RFX2: variants seen among roughly 807,000 people sequenced by gnomAD.
RFX2 encodes regulatory factor X2.
Under a neutral mutation model 87.8 loss-of-function variants are expected in RFX2, and 20 were observed. That is an observed-to-expected ratio of 0.23 (90% CI 0.16 to 0.33). RFX2 has a LOEUF of 0.33. Ranked by LOEUF, RFX2 falls within the 10% of genes least tolerant of loss-of-function variation. The probability of loss-of-function intolerance (pLI) is 1.00; values close to 1 mark genes in which losing one functional copy is unlikely to be tolerated. For missense variants in RFX2, 767 were observed against 1,012.3 expected (o/e 0.76, Z 3.29); for synonymous variants, 397 against 431.3 (o/e 0.92, Z 0.98).
intron 6 of RFX2, among the ~76,000 whole-genome samples, chr19:6,019,678 C>T (rs977165053): frequency 2.6e-5 from 4 of 151,582 alleles, no homozygotes; most frequent in Non-Finnish European, 4.4e-5. Flanking sequence ...CATGCAGCCT[C>T]CAACTCCCGG....
chr19:6,054,448 A>AT (rs2087305062), intron 1 of RFX2, among the ~76,000 whole-genome samples: 2 of 152,210 alleles, frequency 1.3e-5, no homozygotes, highest in African/African-American at 2.4e-5. Flanking sequence ...TGTTTAGACT[A>AT]ATATCTCTTA....
chr19:6,045,658 G>GTT lies in RFX2; in HGVS notation c.91-1378_91-1377dup, dbSNP rs72153340. On this transcript the variant is annotated intron_variant, in intron 2 of 17. Coordinates refer to ENST00000303657, the MANE Select transcript of RFX2 (RefSeq NM_000635.4). The surrounding 1 kb of genome is among the most constrained non-coding windows in gnomAD (Gnocchi z 5.2). ...TGCCTTTTTGTTTTTGCGGAATTGT[G>GTT]TTTTTTTGTTTTTGTTTTTTTGTGT... is the stretch of plus-strand genomic sequence containing the variant. Among the ~76,000 whole-genome samples the GTT allele has an allele frequency of 1.8e-4, 27 of 150,642 alleles. No homozygotes were observed. Among genetic ancestry groups the GTT allele is most frequent in the African/African-American group, 6.5e-4 (26 of 40,132 alleles).
At chr19:6,029,408 C>T (rs189888941) in intron 5 of RFX2, among the ~76,000 whole-genome samples, 54 of 151,964 alleles carry the variant, frequency 3.6e-4, no homozygotes, top group Admixed American at 9.8e-4. Flanking sequence ...GTACAAAGCA[C>T]TATAAAAAAC....
In RFX2 at chr19:6,017,563, G is replaced by A. The variant is rs189500727; in HGVS notation, c.598-1292C>T. Among the ~76,000 whole-genome samples the A allele has an allele frequency of 2.6e-5, 4 of 152,356 alleles. No homozygotes were observed. The East Asian group carries it at 7.7e-4, about 29-fold the overall frequency. On this transcript the variant is annotated intron_variant, in intron 6 of 17. Transcript: ENST00000303657. The surrounding 1 kb of genome is among the most constrained non-coding windows in gnomAD (Gnocchi z 4.1). Reference sequence around the variant, plus strand: ...CAGGAATTCCACGCACAGAAGCGAGGCCCGAGTCCAGATCCCATGTCAAGA... The same window carrying A: ...CAGGAATTCCACGCACAGAAGCGAGACCCGAGTCCAGATCCCATGTCAAGA...
chr19:6,041,006 T>C (rs2087098307), intron 4 of RFX2, among the ~76,000 whole-genome samples: 1 of 152,180 alleles, frequency 6.6e-6, no homozygotes, highest in Admixed American at 6.5e-5. Context: ...TACAGACTGG[T>C]AGAACTGAAT....
chr19:6,001,990 T>C lies in RFX2; in HGVS notation c.1684A>G (p.Ser562Gly). ...TCCTGCTCCAGCCGCTGCACCACAC[T>C]CTCCTCGCACTGGCACACCCACGAG... ...QASWVCQCEE[S>G]VVQRLEQDFK... The change falls in exon 15 of 18, where the codon AGT becomes GGT. Residue 562 changes from serine (S) to glycine (G), a missense_variant. By Grantham distance (56) the Ser-to-Gly change is moderately conservative. Transcript: ENST00000303657. This position sits in a 1 kb window ranked among gnomAD's most constrained non-coding sequence, Gnocchi z 5.6. 1 of 1,610,488 alleles carries C rather than the reference T, an allele frequency of 6.2e-7. No homozygotes were observed. The highest frequency in any genetic ancestry group is 8.5e-7 in the Non-Finnish European group (1 of 1,179,592).
chr19:6,084,849 G>T (rs1012476205), intron 1 of RFX2, among the ~76,000 whole-genome samples: 1 of 152,082 alleles, frequency 6.6e-6, no homozygotes, highest in Non-Finnish European at 1.5e-5. Flanking sequence ...GGCCAGGCTG[G>T]TCTCAAACTC....
Position 6,040,009 on chromosome 19 carries a change from C to A in RFX2, c.493G>T (p.Ala165Ser). Residue 165 changes from alanine (A) to serine (S), a missense_variant, in exon 5 of 18, where the codon GCC becomes TCC. Coordinates refer to ENST00000303657, the MANE Select transcript of RFX2 (RefSeq NM_000635.4). This position sits in a 1 kb window ranked among gnomAD's most constrained non-coding sequence, Gnocchi z 6.1. ...GCGGGCGATGAGCGGGAGGTGTGGGCCAGGGAGTGTCTGGTGCTGTCCATC... is the reference window on the plus strand; with the variant it reads ...GCGGGCGATGAGCGGGAGGTGTGGGACAGGGAGTGTCTGGTGCTGTCCATC... ...GGMDSTRHSL[A>S]HTSRSSPATL... The A allele has an allele frequency of 6.2e-7, 1 of 1,600,064 alleles. No homozygotes were observed. The highest frequency in any genetic ancestry group is 8.5e-7 in the Non-Finnish European group (1 of 1,172,688).
At chr19:6,062,281 G>A (rs1169105770) in intron 1 of RFX2, among the ~76,000 whole-genome samples, 1 of 152,174 alleles carries the variant, frequency 6.6e-6, no homozygotes, top group African/African-American at 2.4e-5. Context: ...TGGCCAGACC[G>A]AGCCCCAGAC....
At chr19:6,062,959 C>T (rs1306604623) in intron 1 of RFX2, among the ~76,000 whole-genome samples, 1 of 152,142 alleles carries the variant, frequency 6.6e-6, no homozygotes, top group Admixed American at 6.5e-5. Context: ...CTCGTCCTTT[C>T]CCTCCCCTTC....
intron 6 of RFX2, among the ~76,000 whole-genome samples, chr19:6,018,352 A>C (rs2086759343): frequency 6.6e-6 from 1 of 152,036 alleles, no homozygotes; most frequent in African/African-American, 2.4e-5. Flanking sequence ...AACCCCTTTT[A>C]TCTCATCTAA....
Position 6,011,065 on chromosome 19 carries a change from G to A in RFX2, c.900-814C>T, listed in dbSNP as rs1000470317. On this transcript the variant is annotated intron_variant, in intron 8 of 17. Transcript: ENST00000303657. The surrounding 1 kb of genome is among the most constrained non-coding windows in gnomAD (Gnocchi z 4.8). ...TGGGAGGCAGAGGTTGCAGTGAGCC[G>A]AGTTCACGCCATTGCACTCCAGCCT... Among the ~76,000 whole-genome samples the A allele has an allele frequency of 2.0e-5, 3 of 151,946 alleles. No individual in the cohort carries two copies. The highest frequency in any genetic ancestry group is 6.6e-5 in the Admixed American group (1 of 15,244).
At position 6,015,622 on chromosome 19, in the gene RFX2, G is replaced by A. The variant is rs145061762; in HGVS notation, c.779+468C>T. ...TCCCCTCTCAGTCTCCCAAATAGGTGAAATTACAGGTGTGCAAATACGTGT... is the reference window on the plus strand; with the variant it reads ...TCCCCTCTCAGTCTCCCAAATAGGTAAAATTACAGGTGTGCAAATACGTGT... On this transcript the variant is annotated intron_variant, in intron 7 of 17. Coordinates refer to ENST00000303657, the MANE Select transcript of RFX2 (RefSeq NM_000635.4). Among the ~76,000 whole-genome samples, 172 of 151,988 alleles carry A rather than the reference G, an allele frequency of 1.1e-3. 1 individual carries two copies. The highest frequency in any genetic ancestry group is 9.9e-4 in the Non-Finnish European group (67 of 67,926).
intron 7 of RFX2, among the ~76,000 whole-genome samples, chr19:6,014,754 T>C (rs145629623): frequency 6.6e-6 from 1 of 152,350 alleles, no homozygotes; most frequent in Non-Finnish European, 1.5e-5. Context: ...CTCCCGCTTC[T>C]GTCCCTCCTC....
rs1274480383 is a variant in RFX2, at chr19:6,020,514, G to A, written c.598-4243C>T. ...GTATGGCTTGCAGACTCTGTTCAGG[G>A]TCTACGCCTCACCAGCAGGCTGGGA... On this transcript the variant is annotated intron_variant, in intron 6 of 17. Coordinates refer to ENST00000303657, the MANE Select transcript of RFX2 (RefSeq NM_000635.4). The surrounding 1 kb of genome is among the most constrained non-coding windows in gnomAD (Gnocchi z 5.3). Among the ~76,000 whole-genome samples the A allele has an allele frequency of 1.3e-5, 2 of 152,192 alleles. No individual in the cohort carries two copies. The highest frequency in any genetic ancestry group is 6.5e-5 in the Admixed American group (1 of 15,272).
Position 6,056,999 on chromosome 19 carries a change from C to T in RFX2, c.-8-9495G>A, listed in dbSNP as rs905485536. Among the ~76,000 whole-genome samples, 1 of 152,100 alleles carries T rather than the reference C, an allele frequency of 6.6e-6. No homozygotes were observed. Among genetic ancestry groups the T allele is most frequent in the Admixed American group, 6.6e-5 (1 of 15,258 alleles). On this transcript the variant is annotated intron_variant, in intron 1 of 17. Transcript: ENST00000303657. The surrounding 1 kb of genome is among the most constrained non-coding windows in gnomAD (Gnocchi z 4.6). ...CGGAGTGCTGTTTATAAGCTGAGCA[C>T]GTTTCATTTACCATCTGGTCCAAGA...
intron 16 of RFX2, among the ~76,000 whole-genome samples, 168 bp from the exon 17 acceptor site, chr19:5,995,811 G>A (rs1396692881): frequency 1.3e-5 from 2 of 152,188 alleles, no homozygotes; most frequent in Non-Finnish European, 2.9e-5. Context: ...GTGTCTGGGT[G>A]GGTCCCTGTG....
intron 1 of RFX2, among the ~76,000 whole-genome samples, chr19:6,109,104 C>T (rs984553620): frequency 6.6e-6 from 1 of 151,286 alleles, no homozygotes; most frequent in Non-Finnish European, 1.5e-5. Context: ...AACACACACA[C>T]GCACTCGCAC....
At chr19:6,030,722 C>T (rs1178626397) in intron 5 of RFX2, among the ~76,000 whole-genome samples, 1 of 152,064 alleles carries the variant, frequency 6.6e-6, no homozygotes, top group Admixed American at 6.5e-5. Flanking sequence ...CTGAACTGTC[C>T]ACTGCAAAAT....
Sources: gnomAD v4.1 joint callset for allele counts (sites outside exome capture counted in the v4.1 genomes callset) on GRCh38, gnomAD v4.1.1 for gene constraint, Gnocchi (gnomAD v3.1) non-coding constraint, MANE v1.5 for transcripts, NCBI Gene and HGNC (gene_info 2026-07-23, HGNC 2026-07-21) for gene names.